UNC13B: variants seen among roughly 807,000 people sequenced by gnomAD.
UNC13B encodes unc-13 homolog B.
In UNC13B, 144 loss-of-function variants were observed where a neutral mutation model predicts 211.0. The observed-to-expected ratio is 0.68, with a 90% CI of 0.60 to 0.78. UNC13B has a LOEUF of 0.78. UNC13B is among the 30% of genes least tolerant of loss of function. The pLI, the probability that UNC13B is intolerant of heterozygous loss-of-function variation, is 0.00. For synonymous variants in UNC13B, 709 were observed against 725.8 expected (o/e 0.98, Z 0.37); for missense variants, 1,777 against 2,002.0 (o/e 0.89, Z 2.14).
intron 1 of UNC13B, among the ~76,000 whole-genome samples, chr9:35,177,849 T>C (rs1821723186): frequency 6.6e-6 from 1 of 152,104 alleles, no homozygotes; most frequent in African/African-American, 2.4e-5. Flanking sequence ...AGAAAAAATA[T>C]AATGGATTGT....
At chr9:35,385,621 C>T in intron 22 of UNC13B, 103 bp from the exon 23 acceptor site, 1 of 1,453,168 alleles carries the variant, frequency 6.9e-7, no homozygotes, top group Non-Finnish European at 9.1e-7. Flanking sequence ...TAGAGAAAAA[C>T]CCAGTAGGTA....
chr9:35,342,621 A>G (rs559048463), intron 11 of UNC13B, among the ~76,000 whole-genome samples: 2 of 152,282 alleles, frequency 1.3e-5, no homozygotes, highest in East Asian at 3.9e-4. Flanking sequence ...GGATGTGTGC[A>G]TATTCATATA....
chr9:35,286,846 A>G (rs1828825780), intron 7 of UNC13B, among the ~76,000 whole-genome samples: 1 of 152,116 alleles, frequency 6.6e-6, no homozygotes, highest in Non-Finnish European at 1.5e-5. Context: ...ACAGGGCAGA[A>G]GCTCCTGTGC....
chr9:35,322,942 A>G (rs1345908180), intron 11 of UNC13B, among the ~76,000 whole-genome samples: 3 of 152,084 alleles, frequency 2.0e-5, no homozygotes, highest in Non-Finnish European at 4.4e-5. Flanking sequence ...TTTCTAAAAA[A>G]AACTGAAGAA....
At chr9:35,260,914 T>C (rs1827237891) in intron 7 of UNC13B, among the ~76,000 whole-genome samples, 1 of 152,164 alleles carries the variant, frequency 6.6e-6, no homozygotes, top group South Asian at 2.1e-4. Flanking sequence ...TGAAATATAA[T>C]TGAAGCGATT....
intron 6 of UNC13B, among the ~76,000 whole-genome samples, chr9:35,258,612 GC>G (rs1827077342): frequency 6.6e-6 from 1 of 152,220 alleles, no homozygotes; most frequent in South Asian, 2.1e-4. Flanking sequence ...GTTTTCACTT[GC>G]ATCACCTGAA....
chr9:35,259,382 A>C (rs974145504), intron 7 of UNC13B, among the ~76,000 whole-genome samples: 26 of 152,226 alleles, frequency 1.7e-4, no homozygotes, highest in Middle Eastern at 3.4e-3. Context: ...ACTTCTGGGT[A>C]ATCTTTGTGC....
At chr9:35,297,331 C>T (rs1162639598) in intron 8 of UNC13B, among the ~76,000 whole-genome samples, 5 of 151,856 alleles carry the variant, frequency 3.3e-5, no homozygotes, top group African/African-American at 4.8e-5. Context: ...TCAAACGATA[C>T]GCCTTCCTCT....
chr9:35,366,966 CCT>C lies in UNC13B; in HGVS notation c.9439_9440del (p.Leu3147AlafsTer16). ...TTAAAGATTCCAGATGATGGTGACC[CCT>C]CTCTGCCTCAGTGGCTCCCGGAAGG... On this transcript the variant is annotated frameshift_variant, in exon 12 of 40. Transcript: ENST00000635942. LOFTEE classifies it high-confidence loss of function. 6.2e-7 allele frequency: 1 copy of C among 1,613,954 alleles called. No individual in the cohort carries two copies. Among genetic ancestry groups the C allele is most frequent in the Non-Finnish European group, 8.5e-7 (1 of 1,179,866 alleles).
Position 35,398,874 on chromosome 9 carries a change from A to T in UNC13B, c.11922-8A>T, listed in dbSNP as rs756217750. On this transcript the variant is annotated splice_polypyrimidine_tract_variant and splice_region_variant and intron_variant, in intron 32 of 39. Transcript: ENST00000635942. ...GAGGGAAAGGCTACACTGCGGGCAC[A>T]TGTGTAGTTTCCAGGTACGGATTGA... is the stretch of plus-strand genomic sequence containing the variant. The T allele has an allele frequency of 4.3e-6, 7 of 1,612,446 alleles. No homozygotes were observed. The East Asian group carries it at 1.1e-4, about 26-fold the overall frequency.
intron 1 of UNC13B, among the ~76,000 whole-genome samples, chr9:35,212,440 G>C (rs184050725): frequency 3.9e-5 from 6 of 152,150 alleles, no homozygotes; most frequent in African/African-American, 1.4e-4. Context: ...AAGCACAGTG[G>C]CGTGTGCCTG....
At chr9:35,177,377 TAGA>T (rs1438295365) in intron 1 of UNC13B, among the ~76,000 whole-genome samples, 2 of 152,196 alleles carry the variant, frequency 1.3e-5, no homozygotes, top group Non-Finnish European at 2.9e-5. Flanking sequence ...GGCAGAAGTA[TAGA>T]AGTTTATAAA....
At chr9:35,243,815 T>C (rs1825936579) in intron 6 of UNC13B, among the ~76,000 whole-genome samples, 1 of 152,174 alleles carries the variant, frequency 6.6e-6, no homozygotes, top group Admixed American at 6.6e-5. Flanking sequence ...TGCATTCAGC[T>C]CAACCTGGGG....
chr9:35,188,339 A>G (rs1253673092), intron 1 of UNC13B, among the ~76,000 whole-genome samples: 1 of 152,258 alleles, frequency 6.6e-6, no homozygotes, highest in East Asian at 1.9e-4. Context: ...CAAGGTAGTT[A>G]TAGTTAAAAG....
intron 7 of UNC13B, among the ~76,000 whole-genome samples, chr9:35,286,954 A>G (rs1158365202): frequency 1.3e-5 from 2 of 152,068 alleles, no homozygotes; most frequent in Non-Finnish European, 2.9e-5. Flanking sequence ...AAACATAAGT[A>G]AAATGTTTCG....
At chr9:35,371,348 TC>T (rs1469221354) in intron 13 of UNC13B, among the ~76,000 whole-genome samples, 1 of 141,596 alleles carries the variant, frequency 7.1e-6, no homozygotes, top group Non-Finnish European at 1.6e-5. Context: ...TTTCTTTCTT[TC>T]TTTTTTTTTT....
In UNC13B at chr9:35,377,663, C is replaced by A. The variant is rs780816082; in HGVS notation, c.10031C>A (p.Thr3344Asn). Residue 3344 changes from threonine (T) to asparagine (N), a missense_variant, in exon 16 of 40, where the codon ACC becomes AAC. Physicochemically the swap from Thr to Asn is moderately conservative, Grantham distance 65. Coordinates refer to ENST00000635942, the MANE Select transcript of UNC13B (RefSeq NM_001371189.2). ...GTGAAGCAGAGTGTACTGGATGGCACCTCCAAATGGTCAGCCAAGATCACC... is the reference window on the plus strand; with the variant it reads ...GTGAAGCAGAGTGTACTGGATGGCAACTCCAAATGGTCAGCCAAGATCACC... Reference protein sequence around the residue: ...KTVKQSVLDGTSKWSAKITIT... With the variant: ...KTVKQSVLDGNSKWSAKITIT... 1 of 1,614,006 alleles carries A rather than the reference C, an allele frequency of 6.2e-7. No individual in the cohort carries two copies. Among genetic ancestry groups the A allele is most frequent in the African/African-American group, 1.3e-5 (1 of 74,934 alleles).
intron 11 of UNC13B, among the ~76,000 whole-genome samples, chr9:35,354,398 GAACCTTATTT>G (rs1027729937): frequency 6.6e-6 from 1 of 152,140 alleles, no homozygotes; most frequent in Non-Finnish European, 1.5e-5. Context: ...TGCTGACACA[GAACCTTATTT>G]CTGATTTGGG....
chr9:35,342,996 G>T lies in UNC13B; in HGVS notation c.9415-23951G>T, dbSNP rs551952838. Among the ~76,000 whole-genome samples, 24 of 152,322 alleles carry T rather than the reference G, an allele frequency of 1.6e-4. 1 individual carries two copies. In the South Asian group the frequency reaches 4.8e-3, roughly 30 times the overall value. ...CATGTGTGTATATGCCATATAAACA[G>T]AAAAGTCATCTTGAGTTTTCTCAGT... On this transcript the variant is annotated intron_variant, in intron 11 of 39. Transcript: ENST00000635942.
Sources: gnomAD v4.1 joint callset for allele counts (sites outside exome capture counted in the v4.1 genomes callset) on GRCh38, gnomAD v4.1.1 for gene constraint, MANE v1.5 for transcripts, NCBI Gene and HGNC (gene_info 2026-07-23, HGNC 2026-07-21) for gene names.